The following DCC variants were observed in gnomAD, a reference collection of about 807,000 sequenced individuals.
DCC encodes the protein DCC netrin 1 receptor, also known as netrin receptor DCC.
A neutral mutation model predicts 172.5 loss-of-function variants in DCC; 58 were observed. The ratio of observed to expected loss-of-function variants is 0.34; its 90% CI spans 0.27 to 0.42. The LOEUF is 0.42. Among genes scored for constraint, DCC ranks in the 10% least tolerant of loss-of-function variants. DCC has a pLI of 1.00. For missense variants in DCC, 1,740 were observed against 1,791.0 expected (o/e 0.97, Z 0.51); for synonymous variants, 709 against 644.5 (o/e 1.10, Z -1.52).
intron 3 of DCC, among the ~76,000 whole-genome samples, chr18:52,922,142 T>C (rs2040136396): frequency 6.6e-6 from 1 of 152,192 alleles, no homozygotes; most frequent in African/African-American, 2.4e-5. Context: ...ATAATAAAGA[T>C]GAACACATTT....
At chr18:53,020,257 A>G (rs918652482) in intron 5 of DCC, among the ~76,000 whole-genome samples, 2 of 152,182 alleles carry the variant, frequency 1.3e-5, no homozygotes, top group Non-Finnish European at 2.9e-5. Flanking sequence ...TTTTGGCTTG[A>G]TTTGGCCATA....
intron 1 of DCC, among the ~76,000 whole-genome samples, chr18:52,665,606 A>G (rs942876059): frequency 1.3e-5 from 2 of 152,178 alleles, no homozygotes; most frequent in African/African-American, 4.8e-5. Flanking sequence ...ATTGAAAAAC[A>G]ATAGCTACAT....
chr18:52,997,222 C>A (rs2041496178), intron 5 of DCC, among the ~76,000 whole-genome samples: 1 of 152,118 alleles, frequency 6.6e-6, no homozygotes, highest in South Asian at 2.1e-4. Flanking sequence ...CCACCTTGAT[C>A]TTCACCTAGG....
intron 5 of DCC, among the ~76,000 whole-genome samples, chr18:52,954,986 C>T (rs755511092): frequency 6.6e-5 from 10 of 152,148 alleles, no homozygotes; most frequent in Admixed American, 1.3e-4. Context: ...CATGCACATC[C>T]TTCCTCACTA....
At chr18:52,937,815 C>T (rs559545270) in intron 5 of DCC, among the ~76,000 whole-genome samples, 1 of 149,270 alleles carries the variant, frequency 6.7e-6, no homozygotes, top group African/African-American at 2.4e-5. Context: ...ATCCATACCT[C>T]TTCCTTCTGC....
intron 1 of DCC, among the ~76,000 whole-genome samples, chr18:52,653,730 G>A (rs541993416): frequency 5.3e-5 from 8 of 152,078 alleles, no homozygotes; most frequent in South Asian, 2.1e-4. Flanking sequence ...TTTCCCCTCC[G>A]CCAGTTGTTC....
chr18:52,474,613 A>C (rs1989043355), intron 1 of DCC, among the ~76,000 whole-genome samples: 2 of 152,228 alleles, frequency 1.3e-5, no homozygotes. Flanking sequence ...CTGCAACTGC[A>C]GGAGGCCACA....
chr18:53,179,255 C>T (rs997866568), intron 9 of DCC, 139 bp downstream of exon 9: 8 of 841,110 alleles, frequency 9.5e-6, no homozygotes, highest in African/African-American at 1.7e-5. Context: ...TTATATAACT[C>T]GAGGACTTTT....
chr18:53,258,730 A>G (rs1309128089), intron 12 of DCC, among the ~76,000 whole-genome samples: 1 of 152,114 alleles, frequency 6.6e-6, no homozygotes, highest in Non-Finnish European at 1.5e-5. Flanking sequence ...TATTAGGTCC[A>G]CTTGGTGCAG....
chr18:52,881,041 T>A (rs1225844836), intron 2 of DCC, among the ~76,000 whole-genome samples: 3 of 152,126 alleles, frequency 2.0e-5, no homozygotes, highest in Non-Finnish European at 4.4e-5. Flanking sequence ...GTCTTTGGGA[T>A]AAAAGCCATT....
At chr18:53,117,647 C>G (rs943061455) in intron 7 of DCC, among the ~76,000 whole-genome samples, 1 of 151,428 alleles carries the variant, frequency 6.6e-6, no homozygotes, top group African/African-American at 2.4e-5. Flanking sequence ...ACCGCTTTTT[C>G]AATTAAAAAA....
At chr18:53,481,907 T>G (rs2045836186) in intron 25 of DCC, among the ~76,000 whole-genome samples, 1 of 152,194 alleles carries the variant, frequency 6.6e-6, no homozygotes, top group African/African-American at 2.4e-5. Context: ...ATAAATTCAA[T>G]TGTCAGAAAG....
chr18:53,218,610 G>A (rs2055887287), intron 12 of DCC, among the ~76,000 whole-genome samples: 1 of 152,022 alleles, frequency 6.6e-6, no homozygotes, highest in Non-Finnish European at 1.5e-5. Context: ...TTGTACTAAT[G>A]GCTTGACTTA....
At chr18:52,612,950 A>G (rs2144843739) in intron 1 of DCC, among the ~76,000 whole-genome samples, 1 of 152,272 alleles carries the variant, frequency 6.6e-6, no homozygotes, top group South Asian at 2.1e-4. Flanking sequence ...CAAATTACTC[A>G]AAGTTCGTCT....
intron 15 of DCC, among the ~76,000 whole-genome samples, chr18:53,348,147 C>G (rs2057746326): frequency 1.3e-5 from 2 of 152,160 alleles, no homozygotes; most frequent in African/African-American, 4.8e-5. Flanking sequence ...TCCCTTTCGC[C>G]TATGATCCTG....
Position 52,906,309 on chromosome 18 carries a change from A to T in DCC, c.678A>T (p.Ala226=). 1.2e-6 allele frequency: 2 copies of T among 1,614,018 alleles called. No homozygotes were observed. The highest frequency in any genetic ancestry group is 1.1e-5 in the South Asian group (1 of 91,092). ...NPASSRTGNE[A]EVRILSDPGL... The stretch of plus-strand genomic sequence containing the variant: ...CCAGCTCAAGAACAGGAAATGAAGC[A>T]GAAGTCAGAATTTTATCAGGTATTG... The change falls in exon 3 of 29, where the codon GCA becomes GCT. Residue 226 remains alanine, a synonymous_variant. Coordinates refer to ENST00000442544, the MANE Select transcript of DCC (RefSeq NM_005215.4).
chr18:53,059,765 T>C (rs73957010), intron 5 of DCC, among the ~76,000 whole-genome samples: 11,268 of 152,138 alleles, frequency 0.074, 1,381 homozygotes, highest in African/African-American at 0.25. Context: ...TTATCCGAAC[T>C]TCTTCTACTC....
chr18:52,357,936 TAA>T (rs59238295), intron 1 of DCC, among the ~76,000 whole-genome samples: 30 of 123,390 alleles, frequency 2.4e-4, no homozygotes, highest in Admixed American at 1.1e-3. Flanking sequence ...AGACTCTGTG[TAA>T]AAAAAAAAAA....
chr18:52,477,457 A>G (rs1036288011), intron 1 of DCC, among the ~76,000 whole-genome samples: 2 of 152,206 alleles, frequency 1.3e-5, no homozygotes, highest in Admixed American at 1.3e-4. Flanking sequence ...TCGGAATCAA[A>G]ATGAAGTCAC....
Sources: gnomAD v4.1 joint callset for allele counts (sites outside exome capture counted in the v4.1 genomes callset) on GRCh38, gnomAD v4.1.1 for gene constraint, MANE v1.5 for transcripts, NCBI Gene and HGNC (gene_info 2026-07-23, HGNC 2026-07-21) for gene names.